AFG2A: variants seen among roughly 807,000 people sequenced by gnomAD.
AFG2A encodes the protein ATPase family gene 2 protein homolog A.
chr4:123,268,466 T>G, the AFG2A span, among the ~76,000 whole-genome samples: 2 of 152,190 alleles, frequency 1.3e-5, no homozygotes, highest in Non-Finnish European at 2.9e-5. Context: ...CTATCAAGAC[T>G]TCTTTCCAAG....
At chr4:123,146,341 A>T in the AFG2A span, among the ~76,000 whole-genome samples, 5 of 152,324 alleles carry the variant, frequency 3.3e-5, no homozygotes, top group Middle Eastern at 0.017. Flanking sequence ...AATGGGGAGA[A>T]AAACGGAAAA....
chr4:123,196,051 A>G, the AFG2A span, among the ~76,000 whole-genome samples: 3 of 150,504 alleles, frequency 2.0e-5, no homozygotes, highest in Admixed American at 6.6e-5. Context: ...CCCAGGCTGG[A>G]GTGCAGTGGT....
chr4:123,103,396 A>G, the AFG2A span, among the ~76,000 whole-genome samples: 1 of 152,136 alleles, frequency 6.6e-6, no homozygotes, highest in Non-Finnish European at 1.5e-5. Flanking sequence ...TGTTTTACAT[A>G]TGATGTCTAG....
chr4:123,102,069 T>C, the AFG2A span: 28 of 152,090 alleles, frequency 1.8e-4, no homozygotes, highest in Admixed American at 1.4e-3. Flanking sequence ...TTATCTTCTT[T>C]TGTGACACAG....
At chr4:123,195,011 G>A in the AFG2A span, among the ~76,000 whole-genome samples, 11 of 151,932 alleles carry the variant, frequency 7.2e-5, no homozygotes, top group East Asian at 3.9e-4. Context: ...TTCCTCATTC[G>A]TTCATTCATT....
the AFG2A span, among the ~76,000 whole-genome samples, chr4:123,082,552 C>A: frequency 6.8e-6 from 1 of 146,430 alleles, no homozygotes; most frequent in Non-Finnish European, 1.5e-5. Flanking sequence ...CACTACCACA[C>A]TGTTTTGATT....
the AFG2A span, among the ~76,000 whole-genome samples, chr4:123,208,916 C>T: frequency 4.6e-5 from 7 of 152,248 alleles, no homozygotes; most frequent in East Asian, 1.4e-3. Flanking sequence ...GATGAGTTGA[C>T]TAGTGGCTTC....
At chr4:122,960,916 G>A in the AFG2A span, among the ~76,000 whole-genome samples, 1 of 152,004 alleles carries the variant, frequency 6.6e-6, no homozygotes, top group African/African-American at 2.4e-5. Context: ...TTCTGTCAAC[G>A]TTGTTTTCTA....
chr4:123,022,152 G>A, the AFG2A span, among the ~76,000 whole-genome samples: 1,716 of 151,492 alleles, frequency 0.011, 50 homozygotes, highest in South Asian at 0.11. Flanking sequence ...CTAAAACACC[G>A]AAAGCAATGG....
the AFG2A span, among the ~76,000 whole-genome samples, chr4:123,014,321 T>C: frequency 6.6e-6 from 1 of 152,196 alleles, no homozygotes; most frequent in Non-Finnish European, 1.5e-5. Context: ...ATGAAGAATT[T>C]TGTAGGCGAG....
At chr4:123,313,787 T>C in the AFG2A span, 2 of 1,131,398 alleles carry the variant, frequency 1.8e-6, no homozygotes, top group Non-Finnish European at 1.2e-6. Context: ...GGGCATTTAG[T>C]TGTAGAAGGT....
At chr4:123,124,516 A>T in the AFG2A span, among the ~76,000 whole-genome samples, 1 of 150,614 alleles carries the variant, frequency 6.6e-6, no homozygotes, top group Admixed American at 6.7e-5. Context: ...GAGGGATAGC[A>T]TTAGGAGATA....
At chr4:123,022,377 T>C in the AFG2A span, among the ~76,000 whole-genome samples, 3 of 151,966 alleles carry the variant, frequency 2.0e-5, no homozygotes, top group Non-Finnish European at 2.9e-5. Context: ...GGGCAAAGGA[T>C]ATGAACAGAC....
At chr4:123,213,525 T>A in the AFG2A span, among the ~76,000 whole-genome samples, 2 of 152,180 alleles carry the variant, frequency 1.3e-5, no homozygotes, top group African/African-American at 4.8e-5. Context: ...ACATCCTTTC[T>A]GAGTTCAGGT....
chr4:123,291,085 G>C, the AFG2A span, among the ~76,000 whole-genome samples: 1 of 152,032 alleles, frequency 6.6e-6, no homozygotes. Flanking sequence ...TGTTTCGTTT[G>C]TACTATTATT....
chr4:123,052,010 G>A, the AFG2A span, among the ~76,000 whole-genome samples: 6 of 151,918 alleles, frequency 3.9e-5, no homozygotes, highest in East Asian at 7.7e-4. Flanking sequence ...AAAGTTTTTT[G>A]TATTTCTTTG....
At chr4:122,967,629 G>A in the AFG2A span, among the ~76,000 whole-genome samples, 2 of 152,048 alleles carry the variant, frequency 1.3e-5, no homozygotes, top group Non-Finnish European at 2.9e-5. Flanking sequence ...ATGATTCTGA[G>A]CCTGATCAGG....
chr4:123,153,738 G>A, the AFG2A span, among the ~76,000 whole-genome samples: 1 of 152,008 alleles, frequency 6.6e-6, no homozygotes, highest in African/African-American at 2.4e-5. Flanking sequence ...TAAAACCACA[G>A]TAGGGCATAT....
the AFG2A span, among the ~76,000 whole-genome samples, chr4:123,216,586 G>T: frequency 6.6e-6 from 1 of 151,564 alleles, no homozygotes; most frequent in African/African-American, 2.4e-5. Context: ...CAACATTTAT[G>T]TAAAACTATG....
Sources: gnomAD v4.1 joint callset for allele counts (sites outside exome capture counted in the v4.1 genomes callset) on GRCh38, gnomAD v4.1.1 for gene constraint, MANE v1.5 for transcripts, NCBI Gene and HGNC (gene_info 2026-07-23, HGNC 2026-07-21) for gene names.